The following NEUROG1 variants were observed in gnomAD, a reference collection of about 807,000 sequenced individuals.
NEUROG1 encodes neurogenin-1.
Under a neutral mutation model 5.7 loss-of-function variants are expected in NEUROG1, and 5 were observed. The observed-to-expected ratio is 0.88, with a 90% confidence interval of 0.46 to 1.85. NEUROG1 has a LOEUF of 1.85. NEUROG1 is among the 40% of genes most tolerant of loss of function. NEUROG1 has a pLI of 0.01. For synonymous variants in NEUROG1, 196 were observed against 157.4 expected, an observed-to-expected ratio of 1.25 and a Z score of -1.84; for missense variants, 403 against 345.7, an observed-to-expected ratio of 1.17 and a Z score of -1.32.
Position 135,535,450 on chromosome 5 carries a change from G to T in NEUROG1, c.241C>A (p.Arg81Ser), listed in dbSNP as rs1416004071. The change falls in exon 1 of 1, where the codon CGC becomes AGC. Residue 81 changes from arginine to serine, a missense_variant. Arg to Ser is a moderately radical substitution (Grantham distance 110). Transcript: ENST00000314744. Reference protein sequence around the residue: ...RRRRRGRTRVRSEALLHSLRR... With the variant: ...RRRRRGRTRVSSEALLHSLRR... ...AGCGAGTGCAGCAGCGCCTCGGAGC[G>T]GACCCGCGTCCGGCCGCGGCGCCGC... The T allele has an allele frequency of 1.9e-6, 3 of 1,575,284 alleles. No homozygotes were observed. The African/African-American group carries it at 4.1e-5, about 22-fold the overall frequency.
In NEUROG1 at chr5:135,535,362, G is replaced by T. The variant is rs754766630; in HGVS notation, c.329C>A (p.Ala110Glu). 2 of 1,612,868 alleles carry T rather than the reference G, an allele frequency of 1.2e-6. No homozygotes were observed. Among genetic ancestry groups the T allele is most frequent in the African/African-American group, 1.3e-5 (1 of 74,846 alleles). The change falls in exon 1 of 1, where the codon GCG becomes GAG. Residue 110 changes from alanine (A) to glutamate (E), a missense_variant. Physicochemically the swap from Ala to Glu is moderately radical, Grantham distance 107. Transcript: ENST00000314744. Reference sequence around the variant, plus strand: ...CACGCTGCGCAGTGCGTCCAGGGCCGCGTTCAAGTTGTGCATGCGGTTGCG... The same window carrying T: ...CACGCTGCGCAGTGCGTCCAGGGCCTCGTTCAAGTTGTGCATGCGGTTGCG... ...RERNRMHNLN[A>E]ALDALRSVLP...
In NEUROG1 at chr5:135,535,789, C is replaced by T. The variant is rs996147292; in HGVS notation, c.-99G>A. The T allele has an allele frequency of 3.5e-6, 4 of 1,150,682 alleles. No homozygotes were observed. Among genetic ancestry groups the T allele is most frequent in the Non-Finnish European group, 4.8e-6 (4 of 831,344 alleles). The allele number at this position is 1,150,682 out of a possible 1,614,324, so 71.3% of individuals were successfully genotyped here. ...CGCCAGGGCGCACTTACGTTCCCAA[C>T]AGCCTGGGGTTGTTACTCTGTGCCA... On this transcript the variant is annotated 5_prime_UTR_variant, in exon 1 of 1. Coordinates refer to ENST00000314744, the MANE Select transcript of NEUROG1 (RefSeq NM_006161.3).
In NEUROG1 at chr5:135,535,520, C is replaced by T. The variant is rs1287986830; in HGVS notation, c.171G>A (p.Arg57=). ...PARRGAPNIS[R]ASEVPGAQDD... ...CCTGTGCCCCTGGAACCTCAGACGCCCGGGAGATATTGGGCGCGCCCCTGC... is the reference window on the plus strand; with the variant it reads ...CCTGTGCCCCTGGAACCTCAGACGCTCGGGAGATATTGGGCGCGCCCCTGC... Residue 57 remains arginine (R), a synonymous_variant, in exon 1 of 1, where the codon CGG becomes CGA. Coordinates refer to ENST00000314744, the MANE Select transcript of NEUROG1 (RefSeq NM_006161.3). The T allele has an allele frequency of 6.3e-7, 1 of 1,575,670 alleles. No homozygotes were observed. Among genetic ancestry groups the T allele is most frequent in the South Asian group, 1.1e-5 (1 of 87,114 alleles).
In NEUROG1 at chr5:135,534,680, G is replaced by GTA; in HGVS notation, c.*296_*297insTA. 1 of 355,416 alleles carries GTA rather than the reference G, an allele frequency of 2.8e-6. No homozygotes were observed. Among genetic ancestry groups the GTA allele is most frequent in the Non-Finnish European group, 5.0e-6 (1 of 198,646 alleles). 22.0% of individuals were successfully genotyped at this position (355,416 alleles called of 1,614,324 possible). A position where few individuals can be genotyped will look rare whatever the true frequency, so the allele number is the denominator to read the frequency against. ...CTTTTCTAAATCACACTGAAGTGGT[G>GTA]GCTGGGGTCAGTTCTGAGCCAGTCA... On this transcript the variant is annotated 3_prime_UTR_variant, in exon 1 of 1. Coordinates refer to ENST00000314744, the MANE Select transcript of NEUROG1 (RefSeq NM_006161.3).
rs1750523843 is a variant in NEUROG1, at chr5:135,535,593, G to A, written c.98C>T (p.Ala33Val). The A allele has an allele frequency of 1.9e-6, 3 of 1,591,966 alleles. No individual in the cohort carries two copies. The highest frequency in any genetic ancestry group is 2.6e-6 in the Non-Finnish European group (3 of 1,175,398). Residue 33 changes from alanine to valine, a missense_variant, in exon 1 of 1, where the codon GCC becomes GTC. Coordinates refer to ENST00000314744, the MANE Select transcript of NEUROG1 (RefSeq NM_006161.3). ...AGCGGAGGCTGCCTGTTGGAGTCTG[G>A]CACAGTCTTCCTCGTCGGTGAGGAA... ...SGFLTDEEDC[A>V]RLQQAASASG...
chr5:135,535,268 G>T lies in NEUROG1; in HGVS notation c.423C>A (p.Ile141=). Residue 141 remains isoleucine, a synonymous_variant, in exon 1 of 1, where the codon ATC becomes ATA. Transcript: ENST00000314744. Reference sequence around the variant, plus strand: ...GGCGCAGTGTCTCGGCCAGAGCCCAGATGTAGTTGTAGGCGAAGCGCAGCG... The same window carrying T: ...GGCGCAGTGTCTCGGCCAGAGCCCATATGTAGTTGTAGGCGAAGCGCAGCG... ...IETLRFAYNY[I]WALAETLRLA... The T allele has an allele frequency of 6.2e-7, 1 of 1,613,548 alleles. No homozygotes were observed. Among genetic ancestry groups the T allele is most frequent in the Non-Finnish European group, 8.5e-7 (1 of 1,179,686 alleles).
In NEUROG1 at chr5:135,534,749, C is replaced by T. The variant is rs555498152; in HGVS notation, c.*228G>A. 8 of 550,644 alleles carry T rather than the reference C, an allele frequency of 1.5e-5. No homozygotes were observed. The African/African-American group carries it at 1.6e-4, about 11-fold the overall frequency. The allele number at this position is 550,644 out of a possible 1,614,324, so 34.1% of individuals were successfully genotyped here. ...GTTCAGAAAGTGCAAAAGGAAAGGC[C>T]GTCTAGGGGCGGGCAGGAGGGGCGC... is the stretch of plus-strand genomic sequence containing the variant. On this transcript the variant is annotated 3_prime_UTR_variant, in exon 1 of 1. Coordinates refer to ENST00000314744, the MANE Select transcript of NEUROG1 (RefSeq NM_006161.3).
Position 135,535,592 on chromosome 5 carries a change from G to A in NEUROG1, c.99C>T (p.Ala33=). The change falls in exon 1 of 1, where the codon GCC becomes GCT. Residue 33 remains alanine, a synonymous_variant. Transcript: ENST00000314744. The stretch of plus-strand genomic sequence containing the variant: ...AAGCGGAGGCTGCCTGTTGGAGTCT[G>A]GCACAGTCTTCCTCGTCGGTGAGGA... ...SGFLTDEEDC[A]RLQQAASASG... 3 of 1,592,296 alleles carry A rather than the reference G, an allele frequency of 1.9e-6. No homozygotes were observed. The highest frequency in any genetic ancestry group is 2.6e-6 in the Non-Finnish European group (3 of 1,175,450).
chr5:135,535,225 G>C lies in NEUROG1; in HGVS notation c.466C>G (p.Pro156Ala), dbSNP rs750354245. 4 of 1,612,450 alleles carry C rather than the reference G, an allele frequency of 2.5e-6. No homozygotes were observed. Among genetic ancestry groups the C allele is most frequent in the Non-Finnish European group, 3.4e-6 (4 of 1,179,448 alleles). The change falls in exon 1 of 1, where the codon CCC (proline) becomes GCC (alanine). Residue 156 changes from proline to alanine, a missense_variant. Transcript: ENST00000314744. ...AGGCGCTCCCGGGCACCGCCTCCGG[G>C]CAGCCCTTGATCCGCCAGGCGCAGT... ...ETLRLADQGL[P>A]GGGARERLLP...
chr5:135,535,686 G>GGCATCGTT lies in NEUROG1; in HGVS notation c.-4_4dup (p.Pro2GlnfsTer110). On this transcript the variant is annotated frameshift_variant, in exon 1 of 1. Transcript: ENST00000314744. LOFTEE classifies it low-confidence loss of function (END_TRUNC). ...GGAGATGCAGGTCTCAAGGCGGGCT[G>GGCATCGTT]GCATCGTTGCGCTGTGCAGGACCGA... 1 of 1,557,938 alleles carries GGCATCGTT rather than the reference G, an allele frequency of 6.4e-7. No homozygotes were observed. The highest frequency in any genetic ancestry group is 8.6e-7 in the Non-Finnish European group (1 of 1,156,406).
In NEUROG1 at chr5:135,535,289, C is replaced by T. The variant is rs777317197; in HGVS notation, c.402G>A (p.Leu134=). 16 of 1,613,502 alleles carry T rather than the reference C, an allele frequency of 9.9e-6. No homozygotes were observed. The highest frequency in any genetic ancestry group is 2.2e-5 in the South Asian group (2 of 91,088). ...DDTKLTKIET[L]RFAYNYIWAL... Reference sequence around the variant, plus strand: ...CCCAGATGTAGTTGTAGGCGAAGCGCAGCGTCTCGATTTTGGTGAGCTTGG... The same window carrying T: ...CCCAGATGTAGTTGTAGGCGAAGCGTAGCGTCTCGATTTTGGTGAGCTTGG... Residue 134 remains leucine, a synonymous_variant, in exon 1 of 1, where the codon CTG becomes CTA. Coordinates refer to ENST00000314744, the MANE Select transcript of NEUROG1 (RefSeq NM_006161.3).
chr5:135,535,545 C>T lies in NEUROG1; in HGVS notation c.146G>A (p.Arg49His). Reference sequence around the variant, plus strand: ...CCGGGAGATATTGGGCGCGCCCCTGCGGGCCGGCGCGGGCGGCCCCGAAGC... The same window carrying T: ...CCGGGAGATATTGGGCGCGCCCCTGTGGGCCGGCGCGGGCGGCCCCGAAGC... ...ASASGPPAPARRGAPNISRAS... is the reference protein window; with the variant it reads ...ASASGPPAPAHRGAPNISRAS... Residue 49 changes from arginine to histidine, a missense_variant, in exon 1 of 1, where the codon CGC becomes CAC. Physicochemically the swap from Arg to His is conservative, Grantham distance 29. Coordinates refer to ENST00000314744, the MANE Select transcript of NEUROG1 (RefSeq NM_006161.3). The T allele has an allele frequency of 6.4e-7, 1 of 1,568,496 alleles. No homozygotes were observed. Among genetic ancestry groups the T allele is most frequent in the Non-Finnish European group, 8.6e-7 (1 of 1,164,388 alleles).
rs1186109254 is a variant in NEUROG1, at chr5:135,534,357, CTCTT to C, written c.*616_*619del. 6.6e-6 allele frequency: 1 copy of C among 152,562 alleles called. No homozygotes were observed. Among genetic ancestry groups the C allele is most frequent in the Non-Finnish European group, 1.5e-5 (1 of 68,046 alleles). The allele number at this position is 152,562 out of a possible 1,614,324, so 9.5% of individuals were successfully genotyped here. On this transcript the variant is annotated 3_prime_UTR_variant, in exon 1 of 1. Transcript: ENST00000314744. ...CTTTGATAGCTCATAATAGAATAAA[CTCTT>C]TATGTACAAAAATACATTTTCATAT...
In NEUROG1 at chr5:135,535,464, C is replaced by T; in HGVS notation, c.227G>A (p.Gly76Asp). The T allele has an allele frequency of 6.4e-7, 1 of 1,564,494 alleles. No individual in the cohort carries two copies. The highest frequency in any genetic ancestry group is 1.4e-5 in the African/African-American group (1 of 72,742). The change falls in exon 1 of 1, where the codon GGC becomes GAC. Residue 76 changes from glycine (G) to aspartate (D), a missense_variant. Transcript: ENST00000314744. ...CGCCTCGGAGCGGACCCGCGTCCGG[C>T]CGCGGCGCCGCCGCCTCTCCTGCTC... ...DDEQERRRRR[G>D]RTRVRSEALL...
chr5:135,535,338 A>G lies in NEUROG1; in HGVS notation c.353T>C (p.Val118Ala). ...GGTGTCGTCGGGGAACGAGGGCAGC[A>G]CGCTGCGCAGTGCGTCCAGGGCCGC... is the stretch of plus-strand genomic sequence containing the variant. Reference protein sequence around the residue: ...LNAALDALRSVLPSFPDDTKL... With the variant: ...LNAALDALRSALPSFPDDTKL... The change falls in exon 1 of 1, where the codon GTG becomes GCG. Residue 118 changes from valine (V) to alanine (A), a missense_variant. Val to Ala is a moderately conservative substitution (Grantham distance 64, BLOSUM62 0). Coordinates refer to ENST00000314744, the MANE Select transcript of NEUROG1 (RefSeq NM_006161.3). 1 of 1,613,436 alleles carries G rather than the reference A, an allele frequency of 6.2e-7. No homozygotes were observed. Among genetic ancestry groups the G allele is most frequent in the Non-Finnish European group, 8.5e-7 (1 of 1,179,638 alleles).
rs748230841 is a variant in NEUROG1, at chr5:135,535,477, G to A, written c.214C>T (p.Arg72Trp). Residue 72 changes from arginine (R) to tryptophan (W), a missense_variant, in exon 1 of 1, where the codon CGG (arginine) becomes TGG (tryptophan). By Grantham distance (101) the Arg-to-Trp change is moderately radical. Coordinates refer to ENST00000314744, the MANE Select transcript of NEUROG1 (RefSeq NM_006161.3). ...PGAQDDEQER[R>W]RRRGRTRVRS... is the part of the protein sequence containing the mutation. ...ACCCGCGTCCGGCCGCGGCGCCGCC[G>A]CCTCTCCTGCTCGTCGTCCTGTGCC... 4.1e-5 allele frequency: 64 copies of A among 1,567,816 alleles called. No individual in the cohort carries two copies. The highest frequency in any genetic ancestry group is 5.3e-5 in the Non-Finnish European group (62 of 1,162,334).
At position 135,535,614 on chromosome 5, in the gene NEUROG1, A is replaced by G. The variant is rs576100383; in HGVS notation, c.77T>C (p.Leu26Pro). The G allele has an allele frequency of 1.9e-6, 3 of 1,596,298 alleles. No homozygotes were observed. Among genetic ancestry groups the G allele is most frequent in the South Asian group, 1.1e-5 (1 of 89,142 alleles). The change falls in exon 1 of 1, where the codon CTC becomes CCC. Residue 26 changes from leucine to proline, a missense_variant. Transcript: ENST00000314744. ...TCTGGCACAGTCTTCCTCGTCGGTG[A>G]GGAAGCCGGATAGGTCACTGCCGCT... ...SSSGSDLSGF[L>P]TDEEDCARLQ...
chr5:135,535,291 G>C lies in NEUROG1; in HGVS notation c.400C>G (p.Leu134Val). The C allele has an allele frequency of 6.2e-7, 1 of 1,613,604 alleles. No homozygotes were observed. Among genetic ancestry groups the C allele is most frequent in the Non-Finnish European group, 8.5e-7 (1 of 1,179,690 alleles). Residue 134 changes from leucine to valine, a missense_variant, in exon 1 of 1, where the codon CTG (leucine) becomes GTG (valine). By Grantham distance (32) the Leu-to-Val change is conservative. Transcript: ENST00000314744. ...DDTKLTKIETLRFAYNYIWAL... is the reference protein window; with the variant it reads ...DDTKLTKIETVRFAYNYIWAL... ...CAGATGTAGTTGTAGGCGAAGCGCA[G>C]CGTCTCGATTTTGGTGAGCTTGGTG...
chr5:135,535,928 G>A lies in NEUROG1; in HGVS notation c.-238C>T, dbSNP rs890852020. On this transcript the variant is annotated 5_prime_UTR_variant, in exon 1 of 1. Coordinates refer to ENST00000314744, the MANE Select transcript of NEUROG1 (RefSeq NM_006161.3). ...GGCCGGTCTCCTGAGTGATGTCGCC[G>A]GCGATCAGATCAGCTCGTGTGAGCA... 5.8e-5 allele frequency: 26 copies of A among 450,272 alleles called. No homozygotes were observed. Among genetic ancestry groups the A allele is most frequent in the African/African-American group, 3.9e-4 (19 of 48,466 alleles). The allele number at this position is 450,272 out of a possible 1,614,324, so 27.9% of individuals were successfully genotyped here. A position where few individuals can be genotyped will look rare whatever the true frequency, so the allele number is the denominator to read the frequency against.
Sources: allele counts gnomAD v4.1 joint callset, GRCh38; gene constraint gnomAD v4.1.1; transcripts MANE v1.5; gene names NCBI Gene and HGNC (gene_info 2026-07-23, HGNC 2026-07-21).